Variants in TMEM178A observed in about 807,000 individuals in gnomAD.
TMEM178A encodes transmembrane protein 178A.
In TMEM178A, 12 loss-of-function variants were observed where a neutral mutation model predicts 29.1. That is an observed-to-expected ratio of 0.41 (90% confidence interval 0.26 to 0.67). The LOEUF (loss-of-function observed/expected upper bound fraction) is 0.67, where lower values mean the gene tolerates loss of function less well. Ranked by LOEUF, TMEM178A falls within the 30% of genes least tolerant of loss-of-function variation. TMEM178A has a pLI of 0.29. For synonymous variants in TMEM178A, 210 were observed against 187.2 expected (o/e 1.12, Z -0.99); for missense variants, 366 against 419.1 (o/e 0.87, Z 1.11).
At chr2:39,720,911 G>C (rs1449563252), downstream of TMEM178A, among the ~76,000 whole-genome samples, 1 of 152,174 alleles carries the variant, frequency 6.6e-6, no homozygotes, top group Non-Finnish European at 1.5e-5. Context: ...CAACCTAGAC[G>C]TAACTTAAAA....
At chr2:39,665,699 G>C, upstream of TMEM178A, 1 of 320,122 alleles carries the variant, frequency 3.1e-6, no homozygotes. Flanking sequence ...AGGAGAGGGG[G>C]CTGGGGAAGA....
At position 39,675,488 on chromosome 2, in the gene TMEM178A, C is replaced by T. The variant is rs138544031; in HGVS notation, c.400+9114C>T. On this transcript the variant is annotated intron_variant, in intron 1 of 3. Transcript: ENST00000281961. ...CTGAGAGCCACTGAGAGGCGTGAAACAGAGTAGTTCCCCGTTGACTTAACC... is the reference window on the plus strand; with the variant it reads ...CTGAGAGCCACTGAGAGGCGTGAAATAGAGTAGTTCCCCGTTGACTTAACC... 2.5e-3 allele frequency among the ~76,000 whole-genome samples: 374 copies of T among 152,132 alleles called. 1 individual carries two copies. The highest frequency in any genetic ancestry group is 8.5e-3 in the African/African-American group (351 of 41,504).
intron 1 of TMEM178A, among the ~76,000 whole-genome samples, chr2:39,667,286 C>T (rs988214492): frequency 6.6e-5 from 10 of 150,902 alleles, no homozygotes; most frequent in African/African-American, 2.4e-4. Context: ...ATTTGTTCTT[C>T]TGAAATCTGT....
intron 2 of TMEM178A, among the ~76,000 whole-genome samples, chr2:39,704,693 A>G (rs1671946656): frequency 6.6e-6 from 1 of 152,190 alleles, no homozygotes; most frequent in Non-Finnish European, 1.5e-5. Context: ...TTTCACTGTC[A>G]GGAAAATGTG....
intron 1 of TMEM178A, among the ~76,000 whole-genome samples, chr2:39,696,465 T>TA (rs1004317107): frequency 2.6e-5 from 4 of 152,174 alleles, no homozygotes; most frequent in Admixed American, 2.6e-4. Context: ...CTATGCTAAG[T>TA]CCTGAATTAC....
the TMEM178A span, among the ~76,000 whole-genome samples, chr2:39,727,519 G>C: frequency 6.6e-6 from 1 of 152,124 alleles, no homozygotes; most frequent in Non-Finnish European, 1.5e-5. Context: ...ATCTAAGTGA[G>C]CATTTCTTCT....
rs747239449 is a variant in TMEM178A, at chr2:39,717,148, G to C, written c.791G>C (p.Ser264Thr). 6.2e-7 allele frequency: 1 copy of C among 1,613,112 alleles called. No homozygotes were observed. Among genetic ancestry groups the C allele is most frequent in the South Asian group, 1.1e-5 (1 of 90,976 alleles). Reference sequence around the variant, plus strand: ...TGGTCCATCTTTTGCGCCTGGTGCAGTTTAGGCTTTATTGTGGCAGCTGGA... The same window carrying C: ...TGGTCCATCTTTTGCGCCTGGTGCACTTTAGGCTTTATTGTGGCAGCTGGA... ...YSWSIFCAWC[S>T]LGFIVAAGGL... The change falls in exon 4 of 4, where the codon AGT becomes ACT. Residue 264 changes from serine to threonine, a missense_variant. Physicochemically the swap from Ser to Thr is moderately conservative, Grantham distance 58. This residue lies in a region of TMEM178A where 119 missense variants were observed against 172.2 expected (regional missense o/e 0.69). Transcript: ENST00000281961.
intron 1 of TMEM178A, among the ~76,000 whole-genome samples, chr2:39,671,811 C>T (rs990209931): frequency 3.3e-5 from 5 of 152,206 alleles, no homozygotes; most frequent in African/African-American, 1.2e-4. Flanking sequence ...GACTGCTTCT[C>T]TCACTGCTCA....
At chr2:39,704,327 TCA>T in intron 2 of TMEM178A, 133 bp downstream of exon 2, 1 of 679,394 alleles carries the variant, frequency 1.5e-6, no homozygotes, top group East Asian at 2.7e-5. Flanking sequence ...TCAGATGTGG[TCA>T]GAGACTCAGA....
chr2:39,679,865 G>A (rs974459524), intron 1 of TMEM178A, among the ~76,000 whole-genome samples: 6 of 152,094 alleles, frequency 3.9e-5, no homozygotes, highest in African/African-American at 1.2e-4. Context: ...CCTTCATCAG[G>A]CTCTTCACTG....
At chr2:39,720,067 A>G (rs146245526), downstream of TMEM178A, among the ~76,000 whole-genome samples, 900 of 152,248 alleles carry the variant, frequency 5.9e-3, 6 homozygotes, top group African/African-American at 0.021. Flanking sequence ...TTTGGCCCTA[A>G]ATTGTTTTGT....
intron 3 of TMEM178A, among the ~76,000 whole-genome samples, chr2:39,707,618 T>A (rs1222694837): frequency 1.3e-5 from 2 of 152,044 alleles, no homozygotes; most frequent in South Asian, 4.1e-4. Context: ...ACTACAGGCA[T>A]GTGCCACCAC....
At chr2:39,733,867 C>T in the TMEM178A span, among the ~76,000 whole-genome samples, 9 of 152,256 alleles carry the variant, frequency 5.9e-5, no homozygotes, top group Admixed American at 3.9e-4. Context: ...AATTATCATG[C>T]TCCTGTCTAA....
At chr2:39,715,046 G>T (rs1672478855) in intron 3 of TMEM178A, among the ~76,000 whole-genome samples, 1 of 152,146 alleles carries the variant, frequency 6.6e-6, no homozygotes, top group Admixed American at 6.5e-5. Context: ...GAGAGGTTAG[G>T]TAATTTCAAG....
At chr2:39,729,608 C>T in the TMEM178A span, among the ~76,000 whole-genome samples, 1 of 152,214 alleles carries the variant, frequency 6.6e-6, no homozygotes, top group African/African-American at 2.4e-5. Flanking sequence ...AAAACCTGCT[C>T]ATCCTCTCCC....
At chr2:39,671,532 G>A (rs796933879) in intron 1 of TMEM178A, among the ~76,000 whole-genome samples, 20 of 152,060 alleles carry the variant, frequency 1.3e-4, no homozygotes, top group Admixed American at 1.3e-3. Flanking sequence ...GGGGTTCTGG[G>A]GATATGATTA....
At position 39,666,432 on chromosome 2, in the gene TMEM178A, C is replaced by T. The variant is rs1670162671; in HGVS notation, c.400+58C>T. The T allele has an allele frequency of 1.5e-5, 18 of 1,233,716 alleles. 1 individual carries two copies. In the South Asian group the frequency reaches 5.7e-4, roughly 39 times the overall value. 76.4% of individuals were successfully genotyped at this position (1,233,716 alleles called of 1,614,324 possible). ...CCCGCGCGTGGAGCGCAGCCCGCGG[C>T]TTCCCAGGGGCGCGCCGGTCCCCGC... On this transcript the variant is annotated intron_variant, in intron 1 of 3. Coordinates refer to ENST00000281961, the MANE Select transcript of TMEM178A (RefSeq NM_152390.3).
At chr2:39,724,715 T>C in the TMEM178A span, among the ~76,000 whole-genome samples, 21 of 152,130 alleles carry the variant, frequency 1.4e-4, no homozygotes, top group African/African-American at 5.1e-4. Context: ...ATATGGAAAC[T>C]ATAATGGTCA....
chr2:39,702,191 G>A (rs554366406), intron 1 of TMEM178A, among the ~76,000 whole-genome samples: 2 of 151,860 alleles, frequency 1.3e-5, no homozygotes, highest in Admixed American at 6.6e-5. Flanking sequence ...GTTGATTATT[G>A]TTTTTATTGT....
Sources: allele counts gnomAD v4.1 joint callset (sites outside exome capture counted in the v4.1 genomes callset), GRCh38; gene constraint gnomAD v4.1.1; regional missense constraint gnomAD v4.1.1; transcripts MANE v1.5; gene names NCBI Gene and HGNC (gene_info 2026-07-23, HGNC 2026-07-21).